Variants in HS3ST3B1 observed in about 807,000 individuals in gnomAD.
The protein encoded by HS3ST3B1 is heparan sulfate glucosamine 3-O-sulfotransferase 3B1.
A neutral mutation model predicts 21.3 loss-of-function variants in HS3ST3B1; 13 were observed. That is an observed-to-expected ratio of 0.61 (90% CI 0.40 to 0.97). The LOEUF (loss-of-function observed/expected upper bound fraction) is 0.97. HS3ST3B1 is among the 50% of genes least tolerant of loss of function. The pLI, the probability that HS3ST3B1 is intolerant of heterozygous loss-of-function variation, is 0.00. For synonymous variants in HS3ST3B1, 234 were observed against 254.8 expected (o/e 0.92, Z 0.78); for missense variants, 459 against 554.8 (o/e 0.83, Z 1.73).
chr17:14,320,482 T>G (rs1909627439), intron 1 of HS3ST3B1, among the ~76,000 whole-genome samples: 1 of 152,078 alleles, frequency 6.6e-6, no homozygotes, highest in Non-Finnish European at 1.5e-5. Flanking sequence ...GTCGAGGATG[T>G]TTGTAAGTAA....
intron 1 of HS3ST3B1, among the ~76,000 whole-genome samples, chr17:14,311,613 G>A (rs1324739433): frequency 2.0e-5 from 3 of 152,174 alleles, no homozygotes; most frequent in Admixed American, 1.3e-4. Context: ...TTGGACAAAC[G>A]GGTAATGACC....
In HS3ST3B1 at chr17:14,334,282, A is replaced by T. The variant is rs375593711; in HGVS notation, c.555-10746A>T. Among the ~76,000 whole-genome samples the T allele has an allele frequency of 8.0e-3, 1,104 of 138,720 alleles. 11 individuals are homozygous for T. Among genetic ancestry groups the T allele is most frequent in the African/African-American group, 0.028 (1,035 of 37,364 alleles). The allele number at this position is 138,720 out of a possible 152,430, so 91.0% of individuals were successfully genotyped here. ...GTTTTTTCATGGTTTTTTTTTTTTT[A>T]AATTGACTTTATTTTTAAGAGCATT... On this transcript the variant is annotated intron_variant, in intron 1 of 1. Transcript: ENST00000360954.
chr17:14,340,171 C>T (rs1056558402), intron 1 of HS3ST3B1, among the ~76,000 whole-genome samples: 15 of 152,250 alleles, frequency 9.9e-5, no homozygotes, highest in Admixed American at 3.9e-4. Context: ...CCTCCTGAAC[C>T]TTCTCCCAGG....
chr17:14,307,380 T>G (rs1454516432), intron 1 of HS3ST3B1, among the ~76,000 whole-genome samples: 1 of 151,882 alleles, frequency 6.6e-6, no homozygotes, highest in Non-Finnish European at 1.5e-5. Flanking sequence ...CTGTCACAGC[T>G]TCTGTGTTTC....
intron 1 of HS3ST3B1, among the ~76,000 whole-genome samples, chr17:14,306,297 C>CA (rs1909138133): frequency 6.6e-6 from 1 of 152,186 alleles, no homozygotes; most frequent in Admixed American, 6.5e-5. Context: ...ACTGACATGG[C>CA]AAAAAATCCC....
chr17:14,344,783 CAGAT>C (rs1204756147), intron 1 of HS3ST3B1, among the ~76,000 whole-genome samples: 2 of 152,214 alleles, frequency 1.3e-5, no homozygotes, highest in Non-Finnish European at 2.9e-5. Context: ...CTTAGAGAAA[CAGAT>C]AGCTTGCCCT....
At chr17:14,332,844 T>C (rs1910061209) in intron 1 of HS3ST3B1, among the ~76,000 whole-genome samples, 2 of 149,138 alleles carry the variant, frequency 1.3e-5, no homozygotes, top group South Asian at 4.3e-4. Flanking sequence ...TTTTTTTTTT[T>C]TTTTTTTTTT....
chr17:14,322,556 C>T (rs897522027), intron 1 of HS3ST3B1, among the ~76,000 whole-genome samples: 2 of 152,068 alleles, frequency 1.3e-5, no homozygotes, highest in South Asian at 2.1e-4. Context: ...GGTATCTTTG[C>T]GACTTCACAA....
At chr17:14,344,245 G>A (rs1181154091) in intron 1 of HS3ST3B1, among the ~76,000 whole-genome samples, 1 of 152,054 alleles carries the variant, frequency 6.6e-6, no homozygotes, top group Non-Finnish European at 1.5e-5. Flanking sequence ...TATAACTTCA[G>A]CTTTTATTTT....
At chr17:14,318,582 C>T (rs1213310892) in intron 1 of HS3ST3B1, among the ~76,000 whole-genome samples, 8 of 152,170 alleles carry the variant, frequency 5.3e-5, no homozygotes, top group Admixed American at 5.2e-4. Context: ...TTGATAAGGT[C>T]TAGCTCAGAA....
At chr17:14,342,341 A>G (rs1004693379) in intron 1 of HS3ST3B1, among the ~76,000 whole-genome samples, 2 of 152,172 alleles carry the variant, frequency 1.3e-5, no homozygotes, top group Admixed American at 6.5e-5. Context: ...AGCCTCTAAC[A>G]TGGTATCTAG....
At position 14,348,815 on chromosome 17, in the gene HS3ST3B1, G is replaced by T. The variant is rs534714888; in HGVS notation, c.*3169G>T. 4 of 152,280 alleles carry T rather than the reference G, an allele frequency of 2.6e-5. No individual in the cohort carries two copies. Among genetic ancestry groups the T allele is most frequent in the African/African-American group, 7.2e-5 (3 of 41,554 alleles). 9.4% of individuals were successfully genotyped at this position (152,280 alleles called of 1,614,324 possible). On this transcript the variant is annotated 3_prime_UTR_variant, in exon 2 of 2. Coordinates refer to ENST00000360954, the MANE Select transcript of HS3ST3B1 (RefSeq NM_006041.3). Reference sequence around the variant, plus strand: ...CTATCTAGTTCATGCTTTCTTTGCGGTGTTTGAACAGTAGTCTGTTAACTT... The same window carrying T: ...CTATCTAGTTCATGCTTTCTTTGCGTTGTTTGAACAGTAGTCTGTTAACTT...
intron 1 of HS3ST3B1, among the ~76,000 whole-genome samples, chr17:14,340,227 CTGA>C (rs1205701190): frequency 6.6e-6 from 1 of 152,148 alleles, no homozygotes; most frequent in African/African-American, 2.4e-5. Flanking sequence ...GCAAAGGCCC[CTGA>C]TAAGTCATTT....
Position 14,347,406 on chromosome 17 carries a change from A to G in HS3ST3B1, c.*1760A>G, listed in dbSNP as rs1365023232. ...ATCACATAATGATATGTTTAATTTA[A>G]CCTCAGTTTTTTAAACCAGAATGCT... On this transcript the variant is annotated 3_prime_UTR_variant, in exon 2 of 2. Coordinates refer to ENST00000360954, the MANE Select transcript of HS3ST3B1 (RefSeq NM_006041.3). 6.6e-6 allele frequency: 1 copy of G among 152,200 alleles called. No individual in the cohort carries two copies. The highest frequency in any genetic ancestry group is 1.5e-5 in the Non-Finnish European group (1 of 68,042). The allele number at this position is 152,200 out of a possible 1,614,324, so 9.4% of individuals were successfully genotyped here.
chr17:14,312,779 C>T (rs539641389), intron 1 of HS3ST3B1, among the ~76,000 whole-genome samples: 2 of 152,188 alleles, frequency 1.3e-5, no homozygotes, highest in East Asian at 3.9e-4. Flanking sequence ...CACATTGACA[C>T]ACCCCCACAT....
intron 1 of HS3ST3B1, among the ~76,000 whole-genome samples, chr17:14,341,181 G>A (rs572063087): frequency 2.0e-5 from 3 of 152,258 alleles, no homozygotes; most frequent in East Asian, 3.9e-4. Context: ...CACAATTGCC[G>A]ATTTAGCATT....
chr17:14,313,100 G>GTGTGTGTATATATATACATATATATATA (rs1555548193), intron 1 of HS3ST3B1, among the ~76,000 whole-genome samples: 10 of 54,490 alleles, frequency 1.8e-4, no homozygotes, highest in East Asian at 1.9e-3. Context: ...TGTGGTGTGT[G>GTGTGTGTATATATATACATATATATATA]TGTGTGTGTA....
At position 14,345,012 on chromosome 17, in the gene HS3ST3B1, T is replaced by C. The variant is rs759718457; in HGVS notation, c.555-16T>C. On this transcript the variant is annotated splice_polypyrimidine_tract_variant and intron_variant, in intron 1 of 1. Transcript: ENST00000360954. ...CGTCACCTTCTGATCCCGGTTTGTT[T>C]GCTTGCGTTTCTCAGGGACCTGATG... The C allele has an allele frequency of 6.2e-7, 1 of 1,605,480 alleles. No homozygotes were observed. Among genetic ancestry groups the C allele is most frequent in the Non-Finnish European group, 8.5e-7 (1 of 1,174,162 alleles).
At chr17:14,320,566 T>C (rs1267891179) in intron 1 of HS3ST3B1, among the ~76,000 whole-genome samples, 1 of 152,108 alleles carries the variant, frequency 6.6e-6, no homozygotes, top group East Asian at 1.9e-4. Context: ...TTTTCAAGTA[T>C]GTCAGCTCAA....
Sources: allele counts gnomAD v4.1 joint callset (sites outside exome capture counted in the v4.1 genomes callset), GRCh38; gene constraint gnomAD v4.1.1; transcripts MANE v1.5; gene names NCBI Gene and HGNC (gene_info 2026-07-23, HGNC 2026-07-21).